CSNK1G3: variants seen among roughly 807,000 people sequenced by gnomAD.
The protein encoded by CSNK1G3 is casein kinase 1 gamma 3, also known as casein kinase I isoform gamma-3.
Under a neutral mutation model 64.3 loss-of-function variants are expected in CSNK1G3, and 23 were observed. The ratio of observed to expected loss-of-function variants is 0.36; its 90% CI spans 0.26 to 0.51. The LOEUF (loss-of-function observed/expected upper bound fraction) is 0.51. CSNK1G3 is among the 20% of genes least tolerant of loss of function. The pLI, the probability that CSNK1G3 is intolerant of heterozygous loss-of-function variation, is 0.96. For missense variants in CSNK1G3, 357 were observed against 510.5 expected (o/e 0.70, Z 2.90); for synonymous variants, 158 against 162.2 (o/e 0.97, Z 0.20).
At chr5:123,575,805 G>A (rs746078474) in exon 6 of CSNK1G3, 1 of 1,613,458 alleles carries the variant, frequency 6.2e-7, no homozygotes, top group Non-Finnish European at 8.5e-7. Context: ...TTAATAGGAC[G>A]ACCAGGAAAC....
At chr5:123,513,600 G>A (rs939858172) in intron 1 of CSNK1G3, among the ~76,000 whole-genome samples, 1 of 152,082 alleles carries the variant, frequency 6.6e-6, no homozygotes. Flanking sequence ...AAGAAAATAA[G>A]TCATTATTTT....
intron 10 of CSNK1G3, among the ~76,000 whole-genome samples, chr5:123,597,391 T>G (rs950615857): frequency 6.6e-6 from 1 of 152,142 alleles, no homozygotes; most frequent in Non-Finnish European, 1.5e-5. Context: ...TGTCTGGTAT[T>G]GAAATGTGAC....
chr5:123,526,872 G>GTA (rs1248305652), intron 1 of CSNK1G3, among the ~76,000 whole-genome samples: 2 of 129,966 alleles, frequency 1.5e-5, no homozygotes, highest in Non-Finnish European at 3.3e-5. Flanking sequence ...GTGTGTGTGT[G>GTA]TGTGTGTGTA....
chr5:123,566,055 A>G (rs1786809256), intron 4 of CSNK1G3, among the ~76,000 whole-genome samples: 1 of 152,190 alleles, frequency 6.6e-6, no homozygotes, highest in Non-Finnish European at 1.5e-5. Flanking sequence ...ATGGATCATG[A>G]TATTATTTCC....
chr5:123,516,972 C>T (rs1777278594), intron 1 of CSNK1G3, among the ~76,000 whole-genome samples: 1 of 152,086 alleles, frequency 6.6e-6, no homozygotes, highest in African/African-American at 2.4e-5. Flanking sequence ...GTTATTCTGC[C>T]ATTATATTCT....
intron 7 of CSNK1G3, 130 bp from the exon 8 acceptor site, chr5:123,588,297 A>G: frequency 9.6e-7 from 1 of 1,041,202 alleles, no homozygotes; most frequent in Admixed American, 2.0e-5. Flanking sequence ...GGCTGGTCTC[A>G]AACTCCTGGG....
intron 9 of CSNK1G3, 33 bp downstream of exon 9, chr5:123,590,591 A>C: frequency 7.6e-7 from 1 of 1,311,708 alleles, no homozygotes; most frequent in Non-Finnish European, 1.0e-6. Flanking sequence ...TATTACTTAC[A>C]GTATCTGTTG....
At chr5:123,575,808 C>G in exon 6 of CSNK1G3, 8 of 1,613,560 alleles carry the variant, frequency 5.0e-6, no homozygotes, top group Non-Finnish European at 6.8e-6. Flanking sequence ...ATAGGACGAC[C>G]AGGAAACAAA....
chr5:123,599,649 G>A (rs1794092274), intron 10 of CSNK1G3, among the ~76,000 whole-genome samples: 1 of 152,080 alleles, frequency 6.6e-6, no homozygotes, highest in Admixed American at 6.6e-5. Context: ...CAAAATATTT[G>A]AAAATGCAGT....
At chr5:123,554,571 C>A (rs1212269278) in intron 3 of CSNK1G3, among the ~76,000 whole-genome samples, 1 of 152,184 alleles carries the variant, frequency 6.6e-6, no homozygotes, top group Non-Finnish European at 1.5e-5. Flanking sequence ...GTGGGATCCG[C>A]CTGCCTCGGC....
exon 1 of CSNK1G3, chr5:123,512,512 G>C (rs1403874406): frequency 6.6e-6 from 1 of 152,188 alleles, no homozygotes; most frequent in East Asian, 1.9e-4. Flanking sequence ...GGCGCTGACG[G>C]ACTGGGGGCG....
intron 1 of CSNK1G3, among the ~76,000 whole-genome samples, chr5:123,531,409 T>A (rs1197271047): frequency 2.0e-5 from 3 of 152,060 alleles, no homozygotes; most frequent in Non-Finnish European, 4.4e-5. Flanking sequence ...TATTAGAGAA[T>A]CTGATTTTCT....
chr5:123,541,332 T>G (rs1781642446), intron 1 of CSNK1G3, among the ~76,000 whole-genome samples: 1 of 152,218 alleles, frequency 6.6e-6, no homozygotes, highest in African/African-American at 2.4e-5. Context: ...CCAGTTTGTA[T>G]AATAATAATA....
intron 4 of CSNK1G3, among the ~76,000 whole-genome samples, chr5:123,568,688 T>A (rs1787445051): frequency 6.6e-6 from 1 of 152,200 alleles, no homozygotes; most frequent in Non-Finnish European, 1.5e-5. Context: ...ATGCTCCTCA[T>A]CTTCAAGGCT....
chr5:123,612,695 C>G (rs1282089436), intron 12 of CSNK1G3, among the ~76,000 whole-genome samples: 2 of 152,204 alleles, frequency 1.3e-5, no homozygotes, highest in Non-Finnish European at 2.9e-5. Context: ...TCAGGCTGGT[C>G]TTGAACTCCT....
intron 4 of CSNK1G3, among the ~76,000 whole-genome samples, 165 bp from the exon 5 acceptor site, chr5:123,573,228 G>T (rs189408797): frequency 6.6e-6 from 1 of 152,306 alleles, no homozygotes; most frequent in East Asian, 1.9e-4. Context: ...CAAAGAGAAG[G>T]TATTGGGAGG....
intron 12 of CSNK1G3, among the ~76,000 whole-genome samples, chr5:123,612,727 T>G (rs1210711312): frequency 1.3e-5 from 2 of 152,068 alleles, no homozygotes; most frequent in East Asian, 1.9e-4. Flanking sequence ...CTGCCCACCT[T>G]GGCCTCCCAA....
chr5:123,542,737 A>G, intron 1 of CSNK1G3, among the ~76,000 whole-genome samples: 1 of 151,594 alleles, frequency 6.6e-6, no homozygotes. Flanking sequence ...TTGGGCCTCC[A>G]TTGTTTTTGA....
intron 12 of CSNK1G3, among the ~76,000 whole-genome samples, chr5:123,605,896 C>T (rs552713351): frequency 6.6e-6 from 1 of 152,070 alleles, no homozygotes; most frequent in Non-Finnish European, 1.5e-5. Context: ...CTAATAATTG[C>T]AGATATTATG....
Sources: gnomAD v4.1 joint callset for allele counts (sites outside exome capture counted in the v4.1 genomes callset) on GRCh38, gnomAD v4.1.1 for gene constraint, MANE v1.5 for transcripts, NCBI Gene and HGNC (gene_info 2026-07-23, HGNC 2026-07-21) for gene names.